Variants in MFSD1 observed in about 807,000 individuals in gnomAD.
MFSD1 encodes the protein lysosomal dipeptide transporter MFSD1.
In MFSD1, 59 loss-of-function variants were observed where a neutral mutation model predicts 67.1. That is an observed-to-expected ratio of 0.88 (90% confidence interval 0.71 to 1.09). MFSD1 has a LOEUF of 1.09. Among genes scored for constraint, MFSD1 ranks in the 50% least tolerant of loss-of-function variants. The probability of loss-of-function intolerance (pLI) is 0.00; values close to 1 mark genes in which losing one functional copy is unlikely to be tolerated. For synonymous variants in MFSD1, 213 were observed against 200.3 expected (o/e 1.06, Z -0.54); for missense variants, 552 against 566.1 (o/e 0.97, Z 0.25).
Position 158,829,063 on chromosome 3 carries a change from T to A in MFSD1, c.*81T>A. 7.3e-7 allele frequency: 1 copy of A among 1,371,956 alleles called. No homozygotes were observed. The highest frequency in any genetic ancestry group is 1.0e-6 in the Non-Finnish European group (1 of 997,564). 85.0% of individuals were successfully genotyped at this position (1,371,956 alleles called of 1,614,324 possible). A position where few individuals can be genotyped will look rare whatever the true frequency, so the allele number is the denominator to read the frequency against. On this transcript the variant is annotated 3_prime_UTR_variant, in exon 16 of 16. Coordinates refer to ENST00000415822, the MANE Select transcript of MFSD1 (RefSeq NM_022736.4). ...CTTCCATTTTTAAAAATTTAGAGTTTAGTCATTAGAAAAAATAATGGACTG... is the reference window on the plus strand; with the variant it reads ...CTTCCATTTTTAAAAATTTAGAGTTAAGTCATTAGAAAAAATAATGGACTG...
chr3:158,811,634 G>A (rs1266655169), intron 6 of MFSD1, among the ~76,000 whole-genome samples: 2 of 152,218 alleles, frequency 1.3e-5, no homozygotes, highest in Non-Finnish European at 2.9e-5. Flanking sequence ...ACTATAGGCT[G>A]TGGTATCCTG....
At chr3:158,807,506 T>G (rs1729790005) in intron 5 of MFSD1, 43 bp downstream of exon 5, 1 of 1,461,050 alleles carries the variant, frequency 6.8e-7, no homozygotes, top group Non-Finnish European at 9.6e-7. Flanking sequence ...TATTATTGTT[T>G]TAGTGTTCAT....
intron 5 of MFSD1, 46 bp downstream of exon 5, chr3:158,807,509 G>A: frequency 6.9e-7 from 1 of 1,449,608 alleles, no homozygotes; most frequent in Non-Finnish European, 9.7e-7. Context: ...TATTGTTTTA[G>A]TGTTCATCTA....
At chr3:158,809,541 A>G (rs1185120649) in intron 6 of MFSD1, among the ~76,000 whole-genome samples, 1 of 152,076 alleles carries the variant, frequency 6.6e-6, no homozygotes, top group Non-Finnish European at 1.5e-5. Flanking sequence ...GAGATCCTGT[A>G]AGTTTTGTTG....
chr3:158,809,589 C>G (rs1729898576), intron 6 of MFSD1, among the ~76,000 whole-genome samples: 1 of 152,094 alleles, frequency 6.6e-6, no homozygotes, highest in Admixed American at 6.6e-5. Context: ...CCTGCTAGAA[C>G]CTCTCCACAT....
rs763586456 is a variant in MFSD1 at position 158,809,285 on chromosome 3, A to G, written c.547A>G (p.Ile183Val). The G allele has an allele frequency of 6.3e-7, 1 of 1,586,570 alleles. No individual in the cohort carries two copies. Among genetic ancestry groups the G allele is most frequent in the Non-Finnish European group, 8.6e-7 (1 of 1,168,240 alleles). Residue 183 changes from isoleucine (I) to valine (V), a missense_variant and splice_region_variant, in exon 6 of 16, where the codon ATT becomes GTT. By Grantham distance (29) the Ile-to-Val change is conservative. Transcript: ENST00000415822. The part of the protein sequence containing the change: ...VFGLQLSMAR[I>V]GSTVNMNLMG... ...TGGACTTCAACTTAGCATGGCTAGAATTGTAAGTATAATGAAAAGCCTGAT... is the reference window on the plus strand; with the variant it reads ...TGGACTTCAACTTAGCATGGCTAGAGTTGTAAGTATAATGAAAAGCCTGAT...
intron 11 of MFSD1, 109 bp downstream of exon 11, chr3:158,822,249 G>T (rs1039868024): frequency 6.8e-5 from 63 of 929,314 alleles, no homozygotes; most frequent in Non-Finnish European, 8.9e-5. Flanking sequence ...CTATGATAGT[G>T]GGGAGATGAC....
chr3:158,829,140 C>A lies in MFSD1; in HGVS notation c.*158C>A. The A allele has an allele frequency of 4.1e-6, 2 of 492,448 alleles. No homozygotes were observed. The highest frequency in any genetic ancestry group is 3.5e-5 in the East Asian group (1 of 28,324). 30.5% of individuals were successfully genotyped at this position (492,448 alleles called of 1,614,324 possible). A position where few individuals can be genotyped will look rare whatever the true frequency, so the allele number is the denominator to read the frequency against. On this transcript the variant is annotated 3_prime_UTR_variant, in exon 16 of 16. Transcript: ENST00000415822. ...CCTATTTCAAAGTGTATTTGTGAGG[C>A]CTGTTTTAGCCTGTGTCTTTTGTAT...
intron 7 of MFSD1, among the ~76,000 whole-genome samples, chr3:158,816,346 G>A (rs1363110914): frequency 1.3e-5 from 2 of 152,084 alleles, no homozygotes; most frequent in African/African-American, 4.8e-5. Context: ...GATCGCCATT[G>A]TAACTGGTGT....
chr3:158,802,479 C>T, intron 1 of MFSD1, 164 bp downstream of exon 1: 1 of 857,868 alleles, frequency 1.2e-6, no homozygotes, highest in Non-Finnish European at 1.9e-6. Context: ...TCCAGCCACA[C>T]CTGTGGATGT....
rs375568986 is a variant in MFSD1, at chr3:158,807,479, T to C, written c.440+16T>C. On this transcript the variant is annotated intron_variant, in intron 5 of 15. Coordinates refer to ENST00000415822, the MANE Select transcript of MFSD1 (RefSeq NM_022736.4). ...TTGTATTTGGGTAAGTTATGCATAATTTAATTTATCCTAATGTATTATTGT... is the reference window on the plus strand; with the variant it reads ...TTGTATTTGGGTAAGTTATGCATAACTTAATTTATCCTAATGTATTATTGT... The C allele has an allele frequency of 1.0e-5, 16 of 1,571,468 alleles. No individual in the cohort carries two copies. Among genetic ancestry groups the C allele is most frequent in the Non-Finnish European group, 1.4e-5 (16 of 1,142,216 alleles).
rs1296006773 is a variant in MFSD1, at chr3:158,826,211, T to C, written c.1336+149T>C. The stretch of plus-strand genomic sequence containing the variant: ...TGGAAACACATTTGATTATGTAATA[T>C]ATAATTATGTTTTCTGGGCCTTCAT... On this transcript the variant is annotated intron_variant, in intron 14 of 15. Coordinates refer to ENST00000415822, the MANE Select transcript of MFSD1 (RefSeq NM_022736.4). 5.7e-6 allele frequency: 3 copies of C among 525,416 alleles called. No individual in the cohort carries two copies. The Admixed American group carries it at 1.0e-4, about 18-fold the overall frequency. 32.5% of individuals were successfully genotyped at this position (525,416 alleles called of 1,614,324 possible).
chr3:158,826,788 C>G (rs1330834256), intron 14 of MFSD1, among the ~76,000 whole-genome samples: 1 of 151,924 alleles, frequency 6.6e-6, no homozygotes. Flanking sequence ...CCACTTTAGC[C>G]TCCCAAACAG....
In MFSD1 at chr3:158,821,630, C is replaced by G; in HGVS notation, c.897C>G (p.Ser299=). The G allele has an allele frequency of 6.2e-7, 1 of 1,609,832 alleles. No homozygotes were observed. The highest frequency in any genetic ancestry group is 8.5e-7 in the Non-Finnish European group (1 of 1,177,836). ...TTACAGAGAAATTTGGATTTTCTTCCCAGGCAGCAAGTGCAATTAACAGGT... is the reference window on the plus strand; with the variant it reads ...TTACAGAGAAATTTGGATTTTCTTCGCAGGCAGCAAGTGCAATTAACAGGT... The part of the protein sequence containing the change: ...VFFTEKFGFS[S]QAASAINSVV... Residue 299 remains serine (S), a synonymous_variant, in exon 10 of 16, where the codon TCC becomes TCG. Transcript: ENST00000415822.
intron 9 of MFSD1, among the ~76,000 whole-genome samples, chr3:158,821,115 T>G (rs1391475502): frequency 9.9e-5 from 15 of 152,216 alleles, no homozygotes; most frequent in Non-Finnish European, 1.5e-5. Context: ...CAAAGCAAAT[T>G]CTTCTTTGCT....
chr3:158,807,148 C>A, intron 4 of MFSD1, 66 bp downstream of exon 4: 1 of 1,435,502 alleles, frequency 7.0e-7, no homozygotes, highest in Non-Finnish European at 9.7e-7. Flanking sequence ...TAATTAATTC[C>A]ATTGGCAAAG....
chr3:158,813,852 C>T (rs571750126), intron 6 of MFSD1, 113 bp from the exon 7 acceptor site: 6 of 431,078 alleles, frequency 1.4e-5, no homozygotes, highest in African/African-American at 8.6e-5. Flanking sequence ...AAGGAAATTA[C>T]CTCCTGTTCA....
intron 1 of MFSD1, chr3:158,802,574 C>T (rs555176457): frequency 1.6e-5 from 11 of 695,820 alleles, no homozygotes; most frequent in South Asian, 1.2e-4. Context: ...TTCAGTAAGT[C>T]CCAGGGGCTA....
Position 158,807,033 on chromosome 3 carries a change from C to A in MFSD1, c.330-7C>A. On this transcript the variant is annotated splice_region_variant and splice_polypyrimidine_tract_variant and intron_variant, in intron 3 of 15. Transcript: ENST00000415822. ...TTTCTCATTCTCATTCTTTCTTTCC[C>A]AAACAGATGGGGCACAATCATTTTT... is the stretch of plus-strand genomic sequence containing the variant. 1 of 1,606,174 alleles carries A rather than the reference C, an allele frequency of 6.2e-7. No individual in the cohort carries two copies. Among genetic ancestry groups the A allele is most frequent in the Non-Finnish European group, 8.5e-7 (1 of 1,176,454 alleles).
Sources: allele counts gnomAD v4.1 joint callset (sites outside exome capture counted in the v4.1 genomes callset), GRCh38; gene constraint gnomAD v4.1.1; transcripts MANE v1.5; gene names NCBI Gene and HGNC (gene_info 2026-07-23, HGNC 2026-07-21).